Variants in AKR1C3 observed in about 807,000 individuals in gnomAD.
AKR1C3 encodes aldo-keto reductase family 1 member C3.
In AKR1C3, 48 loss-of-function variants were observed where a neutral mutation model predicts 43.6. The observed-to-expected ratio is 1.10, with a 90% CI of 0.87 to 1.40. The LOEUF is 1.40. AKR1C3 is among the 40% of genes most tolerant of loss of function. The pLI is 0.00. For synonymous variants in AKR1C3, 162 were observed against 139.6 expected (o/e 1.16, Z -1.13); for missense variants, 482 against 391.2 (o/e 1.23, Z -1.96).
chr10:5,104,291 A>G (rs1839440438), intron 7 of AKR1C3, among the ~76,000 whole-genome samples: 1 of 152,198 alleles, frequency 6.6e-6, no homozygotes, highest in Admixed American at 6.5e-5. Context: ...TAAGTAAAAT[A>G]AAAACCCAAA....
At chr10:5,063,781 A>AAAAAAAAAAAAAAAAAAAAAG (rs1554780511) in intron 1 of AKR1C3, among the ~76,000 whole-genome samples, 1 of 147,086 alleles carries the variant, frequency 6.8e-6, no homozygotes, top group Non-Finnish European at 1.5e-5. Context: ...AAAAAAAAAA[A>AAAAAAAAAAAAAAAAAAAAAG]AAAAAAAAGG....
At chr10:5,064,907 CT>C (rs1554780633) in intron 1 of AKR1C3, among the ~76,000 whole-genome samples, 1 of 86,112 alleles carries the variant, frequency 1.2e-5, no homozygotes, top group African/African-American at 5.2e-5. Context: ...TACAAGAAAC[CT>C]AAACAAAATA....
At chr10:5,079,561 C>G (rs1165364325) in intron 1 of AKR1C3, among the ~76,000 whole-genome samples, 1 of 151,676 alleles carries the variant, frequency 6.6e-6, no homozygotes, top group Non-Finnish European at 1.5e-5. Flanking sequence ...GACTGAGATC[C>G]TAATGCTTTA....
At chr10:5,095,747 TAAC>T (rs1462659555) in intron 1 of AKR1C3, among the ~76,000 whole-genome samples, 2 of 152,028 alleles carry the variant, frequency 1.3e-5, no homozygotes, top group South Asian at 2.1e-4. Flanking sequence ...AGTAAATTCT[TAAC>T]AGATTTCAGT....
At chr10:5,106,176 T>C (rs1425594712) in intron 8 of AKR1C3, among the ~76,000 whole-genome samples, 1 of 152,190 alleles carries the variant, frequency 6.6e-6, no homozygotes, top group African/African-American at 2.4e-5. Context: ...TTCAAATGTT[T>C]TTCCTCCTTC....
chr10:5,057,526 C>T (rs7089756), intron 1 of AKR1C3, among the ~76,000 whole-genome samples: 80,051 of 151,938 alleles, frequency 0.53, 21,493 homozygotes, highest in East Asian at 0.79. Context: ...ATTTGGGTGA[C>T]GGGAGTATAA....
At chr10:5,067,753 T>A (rs1838538685) in intron 1 of AKR1C3, among the ~76,000 whole-genome samples, 1 of 152,332 alleles carries the variant, frequency 6.6e-6, no homozygotes. Flanking sequence ...ACTATGTTAG[T>A]AATTTGTAAG....
chr10:5,093,467 A>G (rs932715060), upstream of AKR1C3: 2 of 152,144 alleles, frequency 1.3e-5, no homozygotes, highest in African/African-American at 4.8e-5. Context: ...TTGATAATGT[A>G]TTGTGCAAAC....
intron 1 of AKR1C3, among the ~76,000 whole-genome samples, chr10:5,076,807 G>A (rs1212384471): frequency 1.3e-5 from 2 of 152,094 alleles, no homozygotes; most frequent in African/African-American, 4.8e-5. Context: ...CTCCTGACAT[G>A]CTACGCCATT....
At chr10:5,070,951 G>A (rs1165051384) in intron 1 of AKR1C3, among the ~76,000 whole-genome samples, 1 of 152,142 alleles carries the variant, frequency 6.6e-6, no homozygotes, top group Non-Finnish European at 1.5e-5. Flanking sequence ...CAGTGTTTTG[G>A]GGGTATTTTA....
Position 5,096,477 on chromosome 10 carries a change from C to T in AKR1C3, c.152C>T (p.Ser51Phe). The change falls in exon 2 of 9, where the codon TCT (serine) becomes TTT (phenylalanine). Residue 51 changes from serine to phenylalanine, a missense_variant. Physicochemically the swap from Ser to Phe is radical, Grantham distance 155. Coordinates refer to ENST00000380554, the MANE Select transcript of AKR1C3 (RefSeq NM_003739.6). The part of the protein sequence containing the change: ...AIEAGFRHID[S>F]AHLYNNEEQV... ...GAAGCTGGGTTCCGCCATATAGATT[C>T]TGCTCATTTATACAATAATGAGGAG... 6.2e-7 allele frequency: 1 copy of T among 1,613,856 alleles called. No individual in the cohort carries two copies. Among genetic ancestry groups the T allele is most frequent in the Non-Finnish European group, 8.5e-7 (1 of 1,179,802 alleles).
chr10:5,078,851 C>A (rs746521611), intron 1 of AKR1C3, among the ~76,000 whole-genome samples: 2 of 152,240 alleles, frequency 1.3e-5, no homozygotes, highest in Non-Finnish European at 2.9e-5. Flanking sequence ...ACAAGAAGAG[C>A]TTCAGATGCC....
At chr10:5,104,377 A>G (rs11252946) in intron 7 of AKR1C3, among the ~76,000 whole-genome samples, 39,640 of 105,004 alleles carry the variant, frequency 0.38, 5,395 homozygotes, top group African/African-American at 0.49. Context: ...ATTTGCTCAC[A>G]TATCTTGATT....
intron 6 of AKR1C3, 124 bp downstream of exon 6, chr10:5,102,334 T>G: frequency 6.3e-7 from 1 of 1,594,060 alleles, no homozygotes; most frequent in African/African-American, 1.4e-5. Context: ...GAATTGCATT[T>G]CTGACGAGAT....
intron 1 of AKR1C3, among the ~76,000 whole-genome samples, chr10:5,095,231 T>C (rs111311493): frequency 6.6e-6 from 1 of 152,266 alleles, no homozygotes; most frequent in African/African-American, 2.4e-5. Context: ...TAGATAGAAC[T>C]TGTATTCCAA....
At chr10:5,098,718 A>C in intron 3 of AKR1C3, 84 bp from the exon 4 acceptor site, 1 of 1,025,326 alleles carries the variant, frequency 9.8e-7, no homozygotes, top group South Asian at 1.3e-5. Context: ...ATGGAGGATT[A>C]GTGTCCTTAA....
chr10:5,063,944 G>A (rs574036746), intron 1 of AKR1C3, among the ~76,000 whole-genome samples: 7 of 151,852 alleles, frequency 4.6e-5, no homozygotes, highest in South Asian at 4.2e-4. Flanking sequence ...TCATTGCCTC[G>A]CCAACTACGT....
At chr10:5,055,523 C>T (rs1838241539) in intron 1 of AKR1C3, among the ~76,000 whole-genome samples, 1 of 152,204 alleles carries the variant, frequency 6.6e-6, no homozygotes, top group Non-Finnish European at 1.5e-5. Context: ...TTGATAGCCT[C>T]TGACACTAAG....
At chr10:5,069,552 A>G (rs1554781135) in intron 1 of AKR1C3, among the ~76,000 whole-genome samples, 1 of 150,498 alleles carries the variant, frequency 6.6e-6, no homozygotes, top group African/African-American at 2.5e-5. Context: ...TTATCCTTAT[A>G]ACCTAAAACT....
Sources: allele counts gnomAD v4.1 joint callset (sites outside exome capture counted in the v4.1 genomes callset), GRCh38; gene constraint gnomAD v4.1.1; transcripts MANE v1.5; gene names NCBI Gene and HGNC (gene_info 2026-07-23, HGNC 2026-07-21).